Variants in CSMD2 observed in about 807,000 individuals in gnomAD.
The protein encoded by CSMD2 is CUB and sushi domain-containing protein 2.
CSMD2 carries 130 observed loss-of-function variants against 398.5 expected under a neutral mutation model. That is an observed-to-expected ratio of 0.33 (90% CI 0.28 to 0.38). The LOEUF (loss-of-function observed/expected upper bound fraction) is 0.38, where lower values mean the gene tolerates loss of function less well. Ranked by LOEUF, CSMD2 falls within the 10% of genes least tolerant of loss-of-function variation. The pLI is 1.00. For synonymous variants in CSMD2, 1,828 were observed against 1,908.5 expected (o/e 0.96, Z 1.10); for missense variants, 3,829 against 4,764.9 (o/e 0.80, Z 5.78).
chr1:34,150,115 TC>T (rs1251039964), intron 1 of CSMD2, among the ~76,000 whole-genome samples: 2 of 148,712 alleles, frequency 1.3e-5, no homozygotes, highest in Non-Finnish European at 3.0e-5. Flanking sequence ...AGGGTCTTGC[TC>T]TGTGACCCAG....
intron 10 of CSMD2, among the ~76,000 whole-genome samples, chr1:33,809,526 G>A (rs1389314543): frequency 6.6e-6 from 1 of 151,800 alleles, no homozygotes; most frequent in Non-Finnish European, 1.5e-5. Context: ...TATAAAAGGA[G>A]TATCTACAAA....
rs558656403 is a variant in CSMD2 at position 33,624,265 on chromosome 1, G to A, written c.5625+254C>T. Reference sequence around the variant, plus strand: ...AATGCCCACCTCTCCTCCTTCCTGGGTTACCCGACTCCCACCGCATGTCCC... The same window carrying A: ...AATGCCCACCTCTCCTCCTTCCTGGATTACCCGACTCCCACCGCATGTCCC... On this transcript the variant is annotated intron_variant, in intron 35 of 70. Coordinates refer to ENST00000373381, the MANE Select transcript of CSMD2 (RefSeq NM_001281956.2). The surrounding 1 kb of genome is among the most constrained non-coding windows in gnomAD (Gnocchi z 4.7). 7.7e-4 allele frequency among the ~76,000 whole-genome samples: 117 copies of A among 152,092 alleles called. 1 individual carries two copies. The highest frequency in any genetic ancestry group is 1.9e-3 in the Admixed American group (29 of 15,296).
intron 22 of CSMD2, among the ~76,000 whole-genome samples, chr1:33,703,275 C>G (rs543834000): frequency 6.6e-6 from 1 of 152,190 alleles, no homozygotes; most frequent in East Asian, 1.9e-4. Context: ...AATGTATAGA[C>G]GGATTTGAGA....
intron 13 of CSMD2, among the ~76,000 whole-genome samples, chr1:33,751,357 T>A (rs2149273769): frequency 6.6e-6 from 1 of 152,284 alleles, no homozygotes; most frequent in East Asian, 1.9e-4. Flanking sequence ...AAGGGACATC[T>A]GTTTTGAAAG....
At chr1:33,706,377 A>G (rs745388342) in intron 22 of CSMD2, among the ~76,000 whole-genome samples, 1 of 152,098 alleles carries the variant, frequency 6.6e-6, no homozygotes, top group Non-Finnish European at 1.5e-5. Context: ...CATTGCCTCC[A>G]TTCCATTTTT....
chr1:34,081,555 A>C (rs1221635142), intron 2 of CSMD2, among the ~76,000 whole-genome samples: 4 of 151,934 alleles, frequency 2.6e-5, no homozygotes, highest in Admixed American at 2.6e-4. Flanking sequence ...AGTGCCTGGG[A>C]TCGCAGGCGC....
intron 32 of CSMD2, among the ~76,000 whole-genome samples, chr1:33,632,000 C>T (rs1642492825): frequency 6.6e-6 from 1 of 151,932 alleles, no homozygotes; most frequent in Non-Finnish European, 1.5e-5. Flanking sequence ...AATAAATAGA[C>T]ACTTGGAAGA....
intron 13 of CSMD2, among the ~76,000 whole-genome samples, chr1:33,749,165 TC>T (rs1647834856): frequency 6.9e-6 from 1 of 145,248 alleles, no homozygotes; most frequent in South Asian, 2.3e-4. Flanking sequence ...TGGCCTGATC[TC>T]GGCTCACTGC....
At chr1:33,715,745 A>G (rs1462396338) in intron 20 of CSMD2, among the ~76,000 whole-genome samples, 1 of 152,148 alleles carries the variant, frequency 6.6e-6, no homozygotes, top group East Asian at 1.9e-4. Flanking sequence ...AGGGCTCGGT[A>G]TGAGAGGAGC....
At chr1:33,584,838 A>C in intron 46 of CSMD2, among the ~76,000 whole-genome samples, 1 of 151,416 alleles carries the variant, frequency 6.6e-6, no homozygotes, top group Non-Finnish European at 1.5e-5. Context: ...TATATAGCTA[A>C]AGAAAAAAAT....
intron 1 of CSMD2, among the ~76,000 whole-genome samples, chr1:34,105,314 A>G (rs1660424218): frequency 6.7e-6 from 1 of 149,062 alleles, no homozygotes; most frequent in African/African-American, 2.4e-5. Flanking sequence ...ACTGAATGCC[A>G]GTAGCACCTC....
intron 25 of CSMD2, among the ~76,000 whole-genome samples, chr1:33,680,651 C>G (rs1014625838): frequency 2.6e-5 from 4 of 152,114 alleles, no homozygotes; most frequent in African/African-American, 4.8e-5. Context: ...GCTCCTGTAA[C>G]CTTGATCTGC....
intron 4 of CSMD2, among the ~76,000 whole-genome samples, chr1:33,930,403 G>C (rs1644273544): frequency 6.6e-6 from 1 of 152,156 alleles, no homozygotes; most frequent in Non-Finnish European, 1.5e-5. Context: ...TTCACATTCT[G>C]CAGGTTTCTT....
At chr1:34,124,307 C>T (rs1662516833) in intron 1 of CSMD2, among the ~76,000 whole-genome samples, 1 of 152,104 alleles carries the variant, frequency 6.6e-6, no homozygotes, top group South Asian at 2.1e-4. Flanking sequence ...TTTATGTCTG[C>T]TTGGAACTCA....
At chr1:33,884,269 A>G (rs923225472) in intron 5 of CSMD2, among the ~76,000 whole-genome samples, 1 of 151,550 alleles carries the variant, frequency 6.6e-6, no homozygotes, top group African/African-American at 2.4e-5. Context: ...TCTATTTTCA[A>G]CCTTTACTCC....
intron 26 of CSMD2, 42 bp from the exon 27 acceptor site, chr1:33,658,179 G>A (rs370056176): frequency 6.4e-7 from 1 of 1,566,018 alleles, no homozygotes; most frequent in Non-Finnish European, 8.7e-7. Flanking sequence ...TCGCCTGGGT[G>A]TCTGCCACTC....
intron 5 of CSMD2, among the ~76,000 whole-genome samples, chr1:33,882,667 A>G (rs1223123410): frequency 6.6e-6 from 1 of 152,194 alleles, no homozygotes; most frequent in Non-Finnish European, 1.5e-5. Flanking sequence ...AGAAAAATGG[A>G]GGTACCTATC....
chr1:33,712,813 T>C (rs1164660307), intron 21 of CSMD2, among the ~76,000 whole-genome samples: 1 of 152,142 alleles, frequency 6.6e-6, no homozygotes, highest in African/African-American at 2.4e-5. Context: ...GGCGGGGTTC[T>C]ATGTGTTTCT....
At chr1:33,965,834 C>A (rs928179272) in intron 3 of CSMD2, among the ~76,000 whole-genome samples, 1 of 152,158 alleles carries the variant, frequency 6.6e-6, no homozygotes, top group Non-Finnish European at 1.5e-5. Context: ...GGAAGCTGGC[C>A]CTGAATGCGG....
Sources: gnomAD v4.1 joint callset for allele counts (sites outside exome capture counted in the v4.1 genomes callset) on GRCh38, gnomAD v4.1.1 for gene constraint, Gnocchi (gnomAD v3.1) non-coding constraint, MANE v1.5 for transcripts, NCBI Gene and HGNC (gene_info 2026-07-23, HGNC 2026-07-21) for gene names.